The following KCNJ15 variants were observed in gnomAD, a reference collection of about 807,000 sequenced individuals.
The protein encoded by KCNJ15 is potassium inwardly rectifying channel subfamily J member 15.
A neutral mutation model predicts 23.0 loss-of-function variants in KCNJ15; 14 were observed. That is an observed-to-expected ratio of 0.61 (90% CI 0.40 to 0.95). The LOEUF is 0.95. KCNJ15 is among the 40% of genes least tolerant of loss of function. The pLI, the probability that KCNJ15 is intolerant of heterozygous loss-of-function variation, is 0.00. For synonymous variants in KCNJ15, 185 were observed against 183.2 expected (o/e 1.01, Z -0.08); for missense variants, 388 against 461.8 (o/e 0.84, Z 1.46).
At chr21:38,262,675 T>A (rs1035654038) in intron 1 of KCNJ15, among the ~76,000 whole-genome samples, 4 of 151,616 alleles carry the variant, frequency 2.6e-5, no homozygotes, top group Non-Finnish European at 5.9e-5. Context: ...GACATTGACA[T>A]CTGACATCTT....
rs1041199083 is a variant in KCNJ15 at position 38,303,357 on chromosome 21, G to C, written c.*2968G>C. On this transcript the variant is annotated 3_prime_UTR_variant, in exon 3 of 3. Coordinates refer to ENST00000398938, the MANE Select transcript of KCNJ15 (RefSeq NM_170736.3). ...TTTTGAAACATTTCTAATGTGTTAG[G>C]TTTTCTCAATGAGACCATTAAAAAA... is the stretch of plus-strand genomic sequence containing the variant. 2.0e-5 allele frequency: 3 copies of C among 151,782 alleles called. No homozygotes were observed. Among genetic ancestry groups the C allele is most frequent in the African/African-American group, 4.8e-5 (2 of 41,298 alleles). 9.4% of individuals were successfully genotyped at this position (151,782 alleles called of 1,614,324 possible). A position where few individuals can be genotyped will look rare whatever the true frequency, so the allele number is the denominator to read the frequency against.
At chr21:38,286,752 A>G (rs1005051564) in intron 1 of KCNJ15, among the ~76,000 whole-genome samples, 3 of 152,232 alleles carry the variant, frequency 2.0e-5, no homozygotes, top group African/African-American at 7.2e-5. Flanking sequence ...AGCCTGGAGA[A>G]TATATGGGTA....
At chr21:38,280,607 C>G (rs1198757968) in intron 1 of KCNJ15, among the ~76,000 whole-genome samples, 1 of 152,148 alleles carries the variant, frequency 6.6e-6, no homozygotes, top group Admixed American at 6.5e-5. Flanking sequence ...TGGTTTCCAG[C>G]TATGTTTCCC....
At chr21:38,257,446 G>A (rs554755472) in intron 1 of KCNJ15, among the ~76,000 whole-genome samples, 2 of 152,182 alleles carry the variant, frequency 1.3e-5, no homozygotes, top group East Asian at 3.8e-4. Flanking sequence ...TCTTGTTTGC[G>A]GTGGGTGTAC....
chr21:38,270,246 G>GATTC (rs1981935735), intron 1 of KCNJ15, among the ~76,000 whole-genome samples: 1 of 152,046 alleles, frequency 6.6e-6, no homozygotes, highest in Admixed American at 6.5e-5. Context: ...GCTGTGTCCT[G>GATTC]ATTCATTCGG....
At chr21:38,294,775 A>G (rs1984972990) in intron 1 of KCNJ15, among the ~76,000 whole-genome samples, 1 of 152,004 alleles carries the variant, frequency 6.6e-6, no homozygotes, top group Non-Finnish European at 1.5e-5. Context: ...GAGTGTGTTT[A>G]TTTTCTTTCC....
intron 1 of KCNJ15, among the ~76,000 whole-genome samples, chr21:38,242,726 C>T (rs989640852): frequency 1.3e-5 from 2 of 152,172 alleles, no homozygotes; most frequent in Non-Finnish European, 2.9e-5. Flanking sequence ...TATCTAACAG[C>T]AGCCTCATCA....
intron 1 of KCNJ15, among the ~76,000 whole-genome samples, chr21:38,287,670 G>A (rs1743362194): frequency 6.6e-6 from 1 of 152,128 alleles, no homozygotes; most frequent in Non-Finnish European, 1.5e-5. Flanking sequence ...CACCAAATTT[G>A]GGCCAATAGT....
At position 38,306,365 on chromosome 21, in the gene KCNJ15, T is replaced by C. The variant is rs1986054544; in HGVS notation, c.*5976T>C. 4.1e-5 allele frequency: 3 copies of C among 73,444 alleles called. No homozygotes were observed. The South Asian group carries it at 1.3e-3, about 31-fold the overall frequency. 4.5% of individuals were successfully genotyped at this position (73,444 alleles called of 1,614,324 possible). A position where few individuals can be genotyped will look rare whatever the true frequency, so the allele number is the denominator to read the frequency against. On this transcript the variant is annotated 3_prime_UTR_variant, in exon 3 of 3. Coordinates refer to ENST00000398938, the MANE Select transcript of KCNJ15 (RefSeq NM_170736.3). ...ACTATAGTTGATTATAGAGTATCTA[T>C]TTCCTTAAAAAAAAAAAACCATAAG...
At chr21:38,284,922 T>A (rs943512415) in intron 1 of KCNJ15, among the ~76,000 whole-genome samples, 2 of 152,208 alleles carry the variant, frequency 1.3e-5, no homozygotes, top group Non-Finnish European at 2.9e-5. Context: ...AAATCACTCA[T>A]CTAATGATGT....
intron 1 of KCNJ15, among the ~76,000 whole-genome samples, chr21:38,236,757 C>T (rs1033558797): frequency 1.3e-5 from 2 of 152,212 alleles, no homozygotes; most frequent in Admixed American, 1.3e-4. Flanking sequence ...CTGAGAATGG[C>T]TTACTCCTAT....
At chr21:38,247,383 TG>T (rs1979491940) in intron 1 of KCNJ15, among the ~76,000 whole-genome samples, 2 of 151,886 alleles carry the variant, frequency 1.3e-5, no homozygotes, top group Non-Finnish European at 2.9e-5. Context: ...GATGGATGAA[TG>T]GATGTATGGA....
At chr21:38,297,264 C>T (rs1310120395) in intron 2 of KCNJ15, among the ~76,000 whole-genome samples, 1 of 152,166 alleles carries the variant, frequency 6.6e-6, no homozygotes. Flanking sequence ...AAAGCGCTCT[C>T]AGCAGAAAGA....
Position 38,299,456 on chromosome 21 carries a change from C to A in KCNJ15, c.195C>A (p.Tyr65Ter). The A allele has an allele frequency of 6.2e-7, 1 of 1,614,178 alleles. No homozygotes were observed. The highest frequency in any genetic ancestry group is 8.5e-7 in the Non-Finnish European group (1 of 1,180,010). The change falls in exon 3 of 3, where the codon TAC becomes TAA. Residue 65 changes from tyrosine (Y) to a stop codon, truncating the protein, a stop_gained. Transcript: ENST00000398938. LOFTEE classifies it high-confidence loss of function. This position sits in a 1 kb window ranked among gnomAD's most constrained non-coding sequence, Gnocchi z 4.5. ...WTTVIDMKWR[Y>*]KLTLFAATFV... ...CAGTTATCGACATGAAGTGGAGATA[C>A]AAACTCACCCTGTTCGCTGCCACTT...
chr21:38,287,343 G>A (rs1310735053), intron 1 of KCNJ15, among the ~76,000 whole-genome samples: 1 of 152,128 alleles, frequency 6.6e-6, no homozygotes, highest in Non-Finnish European at 1.5e-5. Flanking sequence ...AAGAAGGATG[G>A]CTTTACGTTA....
intron 1 of KCNJ15, among the ~76,000 whole-genome samples, chr21:38,274,404 C>T (rs1334595736): frequency 1.8e-5 from 2 of 111,214 alleles, no homozygotes; most frequent in African/African-American, 7.5e-5. Context: ...CCTCAATAAA[C>T]AGGAAGATGC....
chr21:38,283,849 GTGAA>G (rs59926351), intron 1 of KCNJ15, among the ~76,000 whole-genome samples: 99,589 of 151,598 alleles, frequency 0.66, 33,361 homozygotes, highest in Non-Finnish European at 0.73. Flanking sequence ...TAAGTGAAAA[GTGAA>G]TTCCTGGTGC....
intron 1 of KCNJ15, among the ~76,000 whole-genome samples, chr21:38,245,925 G>A (rs1979346158): frequency 6.6e-6 from 1 of 152,172 alleles, no homozygotes; most frequent in Admixed American, 6.5e-5. Context: ...TCAAGGTGAG[G>A]CCTGTGAAGT....
chr21:38,293,943 C>T (rs940853116), intron 1 of KCNJ15, among the ~76,000 whole-genome samples: 5 of 152,228 alleles, frequency 3.3e-5, no homozygotes, highest in East Asian at 1.9e-4. Context: ...GCCTTTAAAG[C>T]GGATCCTTCA....
Sources: allele counts gnomAD v4.1 joint callset (sites outside exome capture counted in the v4.1 genomes callset), GRCh38; gene constraint gnomAD v4.1.1; non-coding constraint Gnocchi (gnomAD v3.1); transcripts MANE v1.5; gene names NCBI Gene and HGNC (gene_info 2026-07-23, HGNC 2026-07-21).